Variants in VWA3B observed in about 807,000 individuals in gnomAD.
VWA3B encodes the protein von Willebrand factor A domain containing 3B.
VWA3B carries 138 observed loss-of-function variants against 158.3 expected under a neutral mutation model. The observed-to-expected ratio is 0.87, with a 90% CI of 0.76 to 1.00. The LOEUF (loss-of-function observed/expected upper bound fraction) is 1.00, where lower values mean the gene tolerates loss of function less well. Among genes scored for constraint, VWA3B ranks in the 50% least tolerant of loss-of-function variants. The probability of loss-of-function intolerance (pLI) is 0.00; values close to 1 mark genes in which losing one functional copy is unlikely to be tolerated. For synonymous variants in VWA3B, 596 were observed against 587.3 expected (o/e 1.01, Z -0.21); for missense variants, 1,555 against 1,565.1 (o/e 0.99, Z 0.11).
chr2:98,306,293 G>A (rs927329900), intron 26 of VWA3B, among the ~76,000 whole-genome samples: 2 of 152,056 alleles, frequency 1.3e-5, no homozygotes, highest in Non-Finnish European at 2.9e-5. Context: ...AGTCCTTGAA[G>A]GTAGGGGACA....
chr2:98,150,112 CA>C (rs1232116106), intron 7 of VWA3B, among the ~76,000 whole-genome samples: 1 of 152,176 alleles, frequency 6.6e-6, no homozygotes, highest in African/African-American at 2.4e-5. Context: ...CTGAGGAAAA[CA>C]AAAAGTAGTT....
intron 16 of VWA3B, among the ~76,000 whole-genome samples, chr2:98,231,052 A>C (rs1002434094): frequency 6.6e-6 from 1 of 152,210 alleles, no homozygotes; most frequent in Non-Finnish European, 1.5e-5. Context: ...CAAATAAAAT[A>C]AAATAATTAG....
intron 7 of VWA3B, 41 bp downstream of exon 7, chr2:98,133,980 A>G (rs1676066401): frequency 6.5e-7 from 1 of 1,546,394 alleles, no homozygotes; most frequent in African/African-American, 1.4e-5. Flanking sequence ...TTATGTCCCG[A>G]ATAGCCTCAG....
In VWA3B at chr2:98,162,975, C is replaced by T. The variant is rs768189008; in HGVS notation, c.1113C>T (p.Cys371=). The change falls in exon 8 of 28, where the codon TGC becomes TGT. Residue 371 remains cysteine, a splice_region_variant and synonymous_variant. Coordinates refer to ENST00000477737, the MANE Select transcript of VWA3B (RefSeq NM_144992.5). ...AGCCCGACGTGGCCACTGTGGACTG[C>T]GGTTGGTGCTATTTCTGGTCACTGG... ...PPKPDVATVD[C]ESETTSVEIA... The T allele has an allele frequency of 1.2e-6, 2 of 1,613,898 alleles. No homozygotes were observed. Among genetic ancestry groups the T allele is most frequent in the Non-Finnish European group, 8.5e-7 (1 of 1,179,986 alleles).
At chr2:98,269,186 C>T (rs1379015659) in intron 21 of VWA3B, among the ~76,000 whole-genome samples, 7 of 152,102 alleles carry the variant, frequency 4.6e-5, no homozygotes, top group Admixed American at 4.6e-4. Flanking sequence ...GCTATCTCAT[C>T]CGATTTTCAC....
At chr2:98,243,244 GCT>G (rs1686192111) in intron 19 of VWA3B, among the ~76,000 whole-genome samples, 1 of 152,080 alleles carries the variant, frequency 6.6e-6, no homozygotes, top group Non-Finnish European at 1.5e-5. Context: ...CAGTTTAAAT[GCT>G]CAGCCTTTTA....
At chr2:98,318,193 C>T (rs1691127690), downstream of VWA3B, among the ~76,000 whole-genome samples, 1 of 152,116 alleles carries the variant, frequency 6.6e-6, no homozygotes, top group Non-Finnish European at 1.5e-5. Context: ...GACAGAAATA[C>T]AATTTGACCC....
intron 13 of VWA3B, among the ~76,000 whole-genome samples, chr2:98,213,098 T>C (rs1264049737): frequency 1.3e-5 from 2 of 152,156 alleles, no homozygotes; most frequent in African/African-American, 4.8e-5. Context: ...ATTTGAGCTG[T>C]GTCTGGAAAG....
At chr2:98,237,510 A>G (rs2105741549) in intron 19 of VWA3B, among the ~76,000 whole-genome samples, 1 of 152,316 alleles carries the variant, frequency 6.6e-6, no homozygotes, top group East Asian at 1.9e-4. Flanking sequence ...GAGGAGAAAA[A>G]CAGCTTCCAA....
intron 21 of VWA3B, among the ~76,000 whole-genome samples, chr2:98,265,488 A>G (rs1323514970): frequency 2.6e-5 from 4 of 152,196 alleles, no homozygotes; most frequent in African/African-American, 4.8e-5. Flanking sequence ...ATTGTGAATA[A>G]TGCCTCAATA....
intron 8 of VWA3B, among the ~76,000 whole-genome samples, chr2:98,179,784 T>C (rs112140248): frequency 0.022 from 1,600 of 71,572 alleles, 24 homozygotes; most frequent in African/African-American, 0.065. Context: ...TCTTTCTCTT[T>C]CTTTTCTTTC....
intron 23 of VWA3B, 31 bp from the exon 24 acceptor site, chr2:98,297,876 T>C (rs991185783): frequency 2.0e-5 from 29 of 1,469,324 alleles, no homozygotes; most frequent in African/African-American, 1.6e-4. Context: ...TATTTGTCTT[T>C]ATATTTTATG....
chr2:98,213,008 C>T (rs1020781316), intron 13 of VWA3B, among the ~76,000 whole-genome samples: 19 of 152,194 alleles, frequency 1.2e-4, no homozygotes, highest in Non-Finnish European at 2.6e-4. Context: ...GTTGCCTGTG[C>T]TATGTCTAGG....
intron 19 of VWA3B, chr2:98,245,549 C>A (rs1391117919): frequency 2.2e-6 from 1 of 456,930 alleles, no homozygotes; most frequent in Non-Finnish European, 4.4e-6. Flanking sequence ...TACTATCACA[C>A]TGAAGCACAC....
chr2:98,092,804 C>T (rs1682415837), intron 1 of VWA3B, among the ~76,000 whole-genome samples: 1 of 97,500 alleles, frequency 1.0e-5, no homozygotes, highest in East Asian at 3.4e-4. Context: ...GAATATCTTT[C>T]TAGATGTTTT....
intron 2 of VWA3B, among the ~76,000 whole-genome samples, chr2:98,094,445 G>A (rs2104818464): frequency 6.6e-6 from 1 of 152,174 alleles, no homozygotes; most frequent in South Asian, 2.1e-4. Context: ...TTTGAGAAAT[G>A]TCTATTCAGG....
At chr2:98,287,411 T>C (rs1405484842) in intron 22 of VWA3B, among the ~76,000 whole-genome samples, 1 of 152,220 alleles carries the variant, frequency 6.6e-6, no homozygotes, top group East Asian at 1.9e-4. Flanking sequence ...ATTTCATTTT[T>C]CTAGTAATTC....
At chr2:98,131,914 C>G (rs1675902829) in intron 6 of VWA3B, among the ~76,000 whole-genome samples, 1 of 152,212 alleles carries the variant, frequency 6.6e-6, no homozygotes, top group Admixed American at 6.5e-5. Flanking sequence ...CTTTGGGACT[C>G]TAAGGACCAT....
rs201410741 is a variant in VWA3B at position 98,211,966 on chromosome 2, A to G, written c.1774A>G (p.Thr592Ala). Residue 592 changes from threonine to alanine, a missense_variant, in exon 13 of 28, where the codon ACT (threonine) becomes GCT (alanine). Coordinates refer to ENST00000477737, the MANE Select transcript of VWA3B (RefSeq NM_144992.5). ...SSTNTLSALK[T>A]AFADKETQAI... ...CACAAACACCCTGAGTGCCCTGAAA[A>G]CTGCTTTTGCTGATAAAGAAACACA... The G allele has an allele frequency of 2.3e-5, 37 of 1,614,086 alleles. No individual in the cohort carries two copies. In the Admixed American group the frequency reaches 6.2e-4, roughly 27 times the overall value.
Sources: gnomAD v4.1 joint callset for allele counts (sites outside exome capture counted in the v4.1 genomes callset) on GRCh38, gnomAD v4.1.1 for gene constraint, MANE v1.5 for transcripts, NCBI Gene and HGNC (gene_info 2026-07-23, HGNC 2026-07-21) for gene names.